The following ABTB3 variants were observed in gnomAD, a reference collection of about 807,000 sequenced individuals.
ABTB3 encodes ankyrin repeat and BTB domain containing 3, also known as ankyrin repeat- and BTB/POZ domain-containing protein 3.
chr12:107,379,971 A>C, the ABTB3 span, among the ~76,000 whole-genome samples: 1 of 152,230 alleles, frequency 6.6e-6, no homozygotes, highest in Non-Finnish European at 1.5e-5. Context: ...GCAGTTCAGA[A>C]GGAAAGCAGA....
chr12:107,336,517 G>A, the ABTB3 span, among the ~76,000 whole-genome samples: 18 of 152,176 alleles, frequency 1.2e-4, no homozygotes, highest in African/African-American at 4.3e-4. Context: ...AGTGTTTGGG[G>A]ATAAAACAGA....
At chr12:107,365,552 G>T in the ABTB3 span, among the ~76,000 whole-genome samples, 2 of 152,264 alleles carry the variant, frequency 1.3e-5, no homozygotes, top group East Asian at 1.9e-4. Context: ...GTTGTGGAGG[G>T]TTGAATGAGC....
At chr12:107,623,352 C>G in the ABTB3 span, among the ~76,000 whole-genome samples, 6 of 137,692 alleles carry the variant, frequency 4.4e-5, no homozygotes, top group Non-Finnish European at 7.7e-5. Context: ...AGCCACCACG[C>G]CTGGCCTTTT....
the ABTB3 span, among the ~76,000 whole-genome samples, chr12:107,438,350 G>T: frequency 6.6e-6 from 1 of 152,144 alleles, no homozygotes; most frequent in African/African-American, 2.4e-5. Context: ...GCGTTTTCAG[G>T]CCACAGAAAC....
the ABTB3 span, among the ~76,000 whole-genome samples, chr12:107,440,904 C>T: frequency 6.6e-6 from 1 of 152,344 alleles, no homozygotes; most frequent in Non-Finnish European, 1.5e-5. Context: ...ATAATCTTAG[C>T]AAGTTTGTAG....
the ABTB3 span, among the ~76,000 whole-genome samples, chr12:107,646,909 G>A: frequency 3.3e-5 from 5 of 152,102 alleles, no homozygotes; most frequent in Non-Finnish European, 4.4e-5. Flanking sequence ...AGGAGCGGGC[G>A]GAGCTCAGTG....
chr12:107,602,798 T>G, the ABTB3 span, among the ~76,000 whole-genome samples: 1 of 152,134 alleles, frequency 6.6e-6, no homozygotes, highest in South Asian at 2.1e-4. Flanking sequence ...CCCGCCTCGG[T>G]GCCGCCTCCT....
the ABTB3 span, among the ~76,000 whole-genome samples, chr12:107,391,118 T>C: frequency 7.2e-5 from 11 of 152,236 alleles, no homozygotes; most frequent in Middle Eastern, 3.4e-3. Flanking sequence ...ACTGCTGCAC[T>C]CTAGCCTAGG....
chr12:107,461,578 C>T, the ABTB3 span, among the ~76,000 whole-genome samples: 2 of 152,300 alleles, frequency 1.3e-5, no homozygotes, highest in Admixed American at 1.3e-4. Flanking sequence ...TTTAAGCCAC[C>T]CAGGAAACGA....
At chr12:107,538,389 G>A in the ABTB3 span, among the ~76,000 whole-genome samples, 5 of 152,228 alleles carry the variant, frequency 3.3e-5, no homozygotes, top group Non-Finnish European at 5.9e-5. Flanking sequence ...GGGTGTAACA[G>A]GTCTAAAGTG....
the ABTB3 span, chr12:107,319,206 G>C: frequency 3.5e-4 from 552 of 1,588,678 alleles, no homozygotes; most frequent in Non-Finnish European, 4.2e-4. Context: ...CACTGCTCGC[G>C]GCTGCTGCCG....
chr12:107,508,434 ATTTCT>A, the ABTB3 span, among the ~76,000 whole-genome samples: 1 of 58,718 alleles, frequency 1.7e-5, no homozygotes, highest in African/African-American at 5.3e-5. Flanking sequence ...CTCAAAGATC[ATTTCT>A]TTTTTTTTTT....
chr12:107,541,735 G>A, the ABTB3 span, among the ~76,000 whole-genome samples: 1 of 152,068 alleles, frequency 6.6e-6, no homozygotes, highest in Admixed American at 6.5e-5. Context: ...CCTTCATAAG[G>A]GAACAATAGA....
chr12:107,376,762 C>T, the ABTB3 span, among the ~76,000 whole-genome samples: 1 of 152,040 alleles, frequency 6.6e-6, no homozygotes, highest in Non-Finnish European at 1.5e-5. Flanking sequence ...TCAGAGCTGC[C>T]TTTTATTGAG....
chr12:107,367,569 G>A, the ABTB3 span, among the ~76,000 whole-genome samples: 13 of 152,048 alleles, frequency 8.5e-5, no homozygotes, highest in Admixed American at 8.5e-4. Context: ...CAGTGGCGCA[G>A]TTTCGGCTCA....
At chr12:107,319,281 C>T in the ABTB3 span, 1 of 1,544,724 alleles carries the variant, frequency 6.5e-7, no homozygotes, top group Non-Finnish European at 8.7e-7. Flanking sequence ...TCGCGGGATC[C>T]CCGGGCAGGC....
the ABTB3 span, among the ~76,000 whole-genome samples, chr12:107,521,912 G>A: frequency 2.0e-5 from 3 of 151,850 alleles, no homozygotes; most frequent in Non-Finnish European, 4.4e-5. Context: ...AATACTCTGA[G>A]GACCCTTGTC....
chr12:107,615,679 T>C, the ABTB3 span, among the ~76,000 whole-genome samples: 1 of 152,232 alleles, frequency 6.6e-6, no homozygotes, highest in African/African-American at 2.4e-5. Context: ...GCCTTGGCCA[T>C]GTGTCTTCTG....
the ABTB3 span, among the ~76,000 whole-genome samples, chr12:107,412,085 A>G: frequency 6.6e-6 from 1 of 152,222 alleles, no homozygotes; most frequent in Non-Finnish European, 1.5e-5. Context: ...ATCTTATTAC[A>G]GCAATTGACA....
Sources: allele counts gnomAD v4.1 joint callset (sites outside exome capture counted in the v4.1 genomes callset), GRCh38; gene constraint gnomAD v4.1.1; transcripts MANE v1.5; gene names NCBI Gene and HGNC (gene_info 2026-07-23, HGNC 2026-07-21).